The following COL27A1 variants were observed in gnomAD, a reference collection of about 807,000 sequenced individuals.
COL27A1 encodes the protein collagen type XXVII alpha 1 chain.
COL27A1 carries 106 observed loss-of-function variants against 251.3 expected under a neutral mutation model. The observed-to-expected ratio is 0.42, with a 90% CI of 0.36 to 0.50. The LOEUF (loss-of-function observed/expected upper bound fraction) is 0.50, where lower values mean the gene tolerates loss of function less well. Among genes scored for constraint, COL27A1 ranks in the 20% least tolerant of loss-of-function variants. The pLI is 0.00. For missense variants in COL27A1, 2,325 were observed against 2,522.8 expected, an observed-to-expected ratio of 0.92 and a Z score of 1.68; for synonymous variants, 1,000 against 986.3, an observed-to-expected ratio of 1.01 and a Z score of -0.26.
chr9:114,273,832 T>TCCTGCATGACCCATCCTGGAAC (rs1835312669), intron 36 of COL27A1: 1 of 152,262 alleles, frequency 6.6e-6, no homozygotes, highest in Non-Finnish European at 1.5e-5. Context: ...CATCCTGGAA[T>TCCTGCATGACCCATCCTGGAAC]CCTGCATGCC....
intron 10 of COL27A1, chr9:114,209,380 G>C: frequency 1.4e-6 from 1 of 695,752 alleles, no homozygotes. Context: ...TCCTTCTGCA[G>C]GTCCTGGAGC....
chr9:114,296,259 G>T (rs1588889000), intron 49 of COL27A1, among the ~76,000 whole-genome samples: 1 of 152,166 alleles, frequency 6.6e-6, no homozygotes, highest in Non-Finnish European at 1.5e-5. Context: ...TTAAGAGAAT[G>T]AAAAGACAAG....
In COL27A1 at chr9:114,301,132, G is replaced by A. The variant is rs1043216733; in HGVS notation, c.4755+7G>A. 2.5e-6 allele frequency: 4 copies of A among 1,613,826 alleles called. No homozygotes were observed. The highest frequency in any genetic ancestry group is 2.2e-5 in the East Asian group (1 of 44,882). On this transcript the variant is annotated splice_region_variant and intron_variant, in intron 52 of 60. Coordinates refer to ENST00000356083, the MANE Select transcript of COL27A1 (RefSeq NM_032888.4). ...GGGACCTTCGGGACTCCCGGTATGT[G>A]TGGGGATTGGACAGGAAGACTCCGG...
intron 3 of COL27A1, 96 bp from the exon 4 acceptor site, chr9:114,178,195 C>A: frequency 9.7e-7 from 1 of 1,034,060 alleles, no homozygotes; most frequent in Non-Finnish European, 1.5e-6. Flanking sequence ...ACTATCCATG[C>A]CCACAGCTGC....
In COL27A1 at chr9:114,245,894, G is replaced by C. The variant is rs748980424; in HGVS notation, c.2963G>C (p.Gly988Ala). The change falls in exon 24 of 61, where the codon GGG becomes GCG. Residue 988 changes from glycine to alanine, a missense_variant. Gly to Ala is a moderately conservative substitution (Grantham distance 60). This residue lies in a region of COL27A1 where 662 missense variants were observed against 795.3 expected (regional missense o/e 0.83). Coordinates refer to ENST00000356083, the MANE Select transcript of COL27A1 (RefSeq NM_032888.4). ...GAACCAGGGGATCCTGGTCGGCCGGGGCCTGTGGGAGAGCAGGTTAGTTAG... is the reference window on the plus strand; with the variant it reads ...GAACCAGGGGATCCTGGTCGGCCGGCGCCTGTGGGAGAGCAGGTTAGTTAG... The part of the protein sequence containing the change: ...KGEPGDPGRP[G>A]PVGEQGFMGF... 6.2e-7 allele frequency: 1 copy of C among 1,613,024 alleles called. No homozygotes were observed. The highest frequency in any genetic ancestry group is 8.5e-7 in the Non-Finnish European group (1 of 1,179,546).
chr9:114,162,427 G>A lies in COL27A1; in HGVS notation c.63-288G>A, dbSNP rs528148931. ...TAGATGTTCCAATGACCAGGGCAGG[G>A]CTTTCTATGCACTGCTTCTTCCCCG... On this transcript the variant is annotated intron_variant, in intron 1 of 60. Coordinates refer to ENST00000356083, the MANE Select transcript of COL27A1 (RefSeq NM_032888.4). Among the ~76,000 whole-genome samples, 696 of 152,334 alleles carry A rather than the reference G, an allele frequency of 4.6e-3. 2 individuals are homozygous for A. Among genetic ancestry groups the A allele is most frequent in the Non-Finnish European group, 6.9e-3 (469 of 68,032 alleles).
At chr9:114,188,597 A>G (rs895856029) in intron 5 of COL27A1, among the ~76,000 whole-genome samples, 1 of 152,238 alleles carries the variant, frequency 6.6e-6, no homozygotes, top group Non-Finnish European at 1.5e-5. Flanking sequence ...GACATATATC[A>G]AGACATATAC....
chr9:114,281,291 C>G (rs1220444808), intron 37 of COL27A1, among the ~76,000 whole-genome samples: 2 of 152,254 alleles, frequency 1.3e-5, no homozygotes, highest in Non-Finnish European at 2.9e-5. Context: ...TTGATTCTCT[C>G]TCTTCTCTTT....
intron 1 of COL27A1, among the ~76,000 whole-genome samples, chr9:114,160,487 G>A (rs1848426055): frequency 6.6e-6 from 1 of 152,010 alleles, no homozygotes; most frequent in Non-Finnish European, 1.5e-5. Context: ...GTCATATCAG[G>A]TGATATTAAT....
At chr9:114,228,840 A>T (rs1540648) in intron 14 of COL27A1, among the ~76,000 whole-genome samples, 9,446 of 151,608 alleles carry the variant, frequency 0.062, 327 homozygotes, top group East Asian at 0.11. Flanking sequence ...TTTTTTTTCA[A>T]AGATAGGGTC....
At chr9:114,166,226 T>C (rs557403313) in intron 2 of COL27A1, among the ~76,000 whole-genome samples, 1 of 149,958 alleles carries the variant, frequency 6.7e-6, no homozygotes, top group East Asian at 2.1e-4. Flanking sequence ...TTTCTATCCA[T>C]CCATCCATTC....
At chr9:114,250,160 C>T (rs77569894) in intron 24 of COL27A1, among the ~76,000 whole-genome samples, 8,469 of 152,332 alleles carry the variant, frequency 0.056, 318 homozygotes, top group Non-Finnish European at 0.085. Context: ...CCTCCGCCTC[C>T]CCGATTCCAA....
At chr9:114,237,266 G>A (rs1009540200) in intron 18 of COL27A1, among the ~76,000 whole-genome samples, 1 of 152,250 alleles carries the variant, frequency 6.6e-6, no homozygotes, top group Non-Finnish European at 1.5e-5. Context: ...ACAAAGCTCT[G>A]ATGAGGATCT....
intron 5 of COL27A1, among the ~76,000 whole-genome samples, chr9:114,194,128 G>A (rs1828937556): frequency 6.6e-6 from 1 of 152,190 alleles, no homozygotes; most frequent in Admixed American, 6.5e-5. Flanking sequence ...GGAGAGCAGA[G>A]TCTAGATAGG....
At chr9:114,284,817 T>C in intron 41 of COL27A1, 40 bp downstream of exon 41, 1 of 1,610,894 alleles carries the variant, frequency 6.2e-7, no homozygotes, top group South Asian at 1.1e-5. Context: ...CACCCTCGTG[T>C]CTGAGGCTGA....
intron 3 of COL27A1, among the ~76,000 whole-genome samples, chr9:114,170,951 C>G (rs1849270975): frequency 6.6e-6 from 1 of 152,210 alleles, no homozygotes; most frequent in Non-Finnish European, 1.5e-5. Context: ...TCAATTCTGG[C>G]CACACAGCAC....
At chr9:114,256,386 G>A (rs573560629) in intron 27 of COL27A1, among the ~76,000 whole-genome samples, 2 of 152,304 alleles carry the variant, frequency 1.3e-5, no homozygotes, top group East Asian at 3.9e-4. Flanking sequence ...CCAGCTACTC[G>A]GGAGGCTGAG....
rs774855050 is a variant in COL27A1, at chr9:114,169,364, G to A, written c.1809G>A (p.Arg603=). The A allele has an allele frequency of 2.5e-6, 4 of 1,611,602 alleles. No individual in the cohort carries two copies. Among genetic ancestry groups the A allele is most frequent in the Non-Finnish European group, 3.4e-6 (4 of 1,179,540 alleles). ...CGCAATTCCTGTCCTCCAGCCCCCG[G>A]CCCACGAGCAGTGGCTATTCGATCT... ...APAQFLSSSP[R]PTSSGYSIFH... is the part of the protein sequence containing the mutation. Residue 603 remains arginine, a synonymous_variant, in exon 3 of 61, where the codon CGG becomes CGA. Transcript: ENST00000356083.
rs1052532933 is a variant in COL27A1, at chr9:114,278,531, G to A, written c.3717+2763G>A. 4.8e-5 allele frequency among the ~76,000 whole-genome samples: 7 copies of A among 145,846 alleles called. No homozygotes were observed. The East Asian group carries it at 8.3e-4, about 17-fold the overall frequency. On this transcript the variant is annotated intron_variant, in intron 37 of 60. Transcript: ENST00000356083. ...ATAGTGGTAGTGGTGGTGATGATGG[G>A]TGGTAGTGATGGTAGTAGTGATGGC...
Sources: allele counts gnomAD v4.1 joint callset (sites outside exome capture counted in the v4.1 genomes callset), GRCh38; gene constraint gnomAD v4.1.1; regional missense constraint gnomAD v4.1.1; transcripts MANE v1.5; gene names NCBI Gene and HGNC (gene_info 2026-07-23, HGNC 2026-07-21).